Variants in DOK7 observed in about 807,000 individuals in gnomAD.
The protein encoded by DOK7 is docking protein 7, also known as protein Dok-7.
DOK7 carries 32 observed loss-of-function variants against 30.7 expected under a neutral mutation model. The ratio of observed to expected loss-of-function variants is 1.04; its 90% CI spans 0.79 to 1.40. The LOEUF is 1.40. DOK7 is among the 40% of genes most tolerant of loss of function. The pLI, the probability that DOK7 is intolerant of heterozygous loss-of-function variation, is 0.00. For synonymous variants in DOK7, 447 were observed against 324.1 expected, an observed-to-expected ratio of 1.38 and a Z score of -4.07; for missense variants, 1,007 against 699.2, an observed-to-expected ratio of 1.44 and a Z score of -4.97.
In DOK7 at chr4:3,493,614, C is replaced by CG. The variant is rs1187286888; in HGVS notation, c.*118dup. 4.8e-5 allele frequency: 73 copies of CG among 1,507,224 alleles called. 1 individual carries two copies. The highest frequency in any genetic ancestry group is 1.9e-4 in the South Asian group (15 of 78,086). The allele number at this position is 1,507,224 out of a possible 1,614,324, so 93.4% of individuals were successfully genotyped here. A position where few individuals can be genotyped will look rare whatever the true frequency, so the allele number is the denominator to read the frequency against. ...GTGCTCTGTGTTCTGTGGGAGGGAC[C>CG]GGGGGTCTCCCGGAGAGGGGAGCTG... On this transcript the variant is annotated 3_prime_UTR_variant, in exon 7 of 7. Coordinates refer to ENST00000340083, the MANE Select transcript of DOK7 (RefSeq NM_173660.5).
rs755846173 is a variant in DOK7 at position 3,493,081 on chromosome 4, C to G, written c.1095C>G (p.Ala365=). 1 of 1,577,036 alleles carries G rather than the reference C, an allele frequency of 6.3e-7. No individual in the cohort carries two copies. The highest frequency in any genetic ancestry group is 8.6e-7 in the Non-Finnish European group (1 of 1,165,872). The change falls in exon 7 of 7, where the codon GCC becomes GCG. Residue 365 remains alanine (A), a synonymous_variant. Coordinates refer to ENST00000340083, the MANE Select transcript of DOK7 (RefSeq NM_173660.5). ...YAGSSLDVWR[A]TDELGSLLSL... The stretch of plus-strand genomic sequence containing the variant: ...GCAGCAGCCTGGACGTGTGGCGGGC[C>G]ACAGATGAACTGGGCTCACTGCTCA...
At chr4:3,500,512 C>T in intron 7 of DOK7, 2 of 1,482,568 alleles carry the variant, frequency 1.3e-6, no homozygotes, top group Admixed American at 2.2e-5. Context: ...GGAGCTTTTC[C>T]TACAGCCTCC....
rs572014077 is a variant in DOK7, at chr4:3,494,101, C to T, written c.*600C>T. 27 of 986,112 alleles carry T rather than the reference C, an allele frequency of 2.7e-5. No homozygotes were observed. Among genetic ancestry groups the T allele is most frequent in the Non-Finnish European group, 3.3e-5 (27 of 830,432 alleles). The allele number at this position is 986,112 out of a possible 1,614,324, so 61.1% of individuals were successfully genotyped here. Reference sequence around the variant, plus strand: ...TCTCTGGGTTCTGGGCCCCACTGTTCCCCAGTGAAGCCCTTGTGGGAAGGT... The same window carrying T: ...TCTCTGGGTTCTGGGCCCCACTGTTTCCCAGTGAAGCCCTTGTGGGAAGGT... On this transcript the variant is annotated 3_prime_UTR_variant, in exon 7 of 7. Transcript: ENST00000340083.
chr4:3,480,827 C>T (rs2699433), intron 4 of DOK7, among the ~76,000 whole-genome samples: 18,078 of 152,056 alleles, frequency 0.12, 1,188 homozygotes, highest in Middle Eastern at 0.17. Context: ...AGGGATCAGA[C>T]GGTCCGGCCT....
At chr4:3,485,489 C>T (rs769036341) in intron 4 of DOK7, 50 bp from the exon 5 acceptor site, 3 of 1,476,808 alleles carry the variant, frequency 2.0e-6, no homozygotes, top group African/African-American at 1.4e-5. Context: ...CTTCAGGGTC[C>T]CCAGCCCGCC....
intron 5 of DOK7, 69 bp downstream of exon 5, chr4:3,485,727 G>A: frequency 1.4e-6 from 2 of 1,413,816 alleles, no homozygotes. Flanking sequence ...CGGGGCGGGG[G>A]GCCACAGTGA....
At chr4:3,482,473 C>A (rs1368032720) in intron 4 of DOK7, among the ~76,000 whole-genome samples, 2 of 152,256 alleles carry the variant, frequency 1.3e-5, no homozygotes. Context: ...GCAGAAGCTG[C>A]CAGGCCTCTG....
chr4:3,463,669 C>A, intron 2 of DOK7, 118 bp downstream of exon 2: 2 of 1,335,830 alleles, frequency 1.5e-6, no homozygotes, highest in East Asian at 2.6e-5. Flanking sequence ...CCGGGAAACC[C>A]GAGAGCCCCG....
chr4:3,498,545 T>C (rs1018164999), downstream of DOK7, among the ~76,000 whole-genome samples: 1 of 152,188 alleles, frequency 6.6e-6, no homozygotes, highest in Admixed American at 6.5e-5. Flanking sequence ...CCCTGCCCCT[T>C]GGCTTCAAGG....
Position 3,483,624 on chromosome 4 carries a change from C to T in DOK7, c.533-1915C>T, listed in dbSNP as rs542033235. Reference sequence around the variant, plus strand: ...CGCTCCGCAGACGCCGCATGGAATGCGGGGCCGGCTCCACTCCTTCCGTAA... The same window carrying T: ...CGCTCCGCAGACGCCGCATGGAATGTGGGGCCGGCTCCACTCCTTCCGTAA... On this transcript the variant is annotated intron_variant, in intron 4 of 6. Transcript: ENST00000340083. 1.6e-3 allele frequency among the ~76,000 whole-genome samples: 249 copies of T among 152,314 alleles called. 1 individual carries two copies. The highest frequency in any genetic ancestry group is 5.0e-3 in the African/African-American group (209 of 41,572).
At position 3,500,470 on chromosome 4, in the gene DOK7, GC is replaced by G. The variant is rs1729136764; in HGVS notation, c.1261+72del. ...TGGGACCACAGCCTCAGGGCCCTGA[GC>G]CCCCAGCCCCACCCAGCAGCCCTTG... On this transcript the variant is annotated intron_variant, in intron 7 of 7. Coordinates refer to the DOK7 transcript ENST00000643608. 4.0e-6 allele frequency: 6 copies of G among 1,517,288 alleles called. No homozygotes were observed. The Admixed American group carries it at 8.1e-5, about 20-fold the overall frequency. 94.0% of individuals were successfully genotyped at this position (1,517,288 alleles called of 1,614,324 possible). A position where few individuals can be genotyped will look rare whatever the true frequency, so the allele number is the denominator to read the frequency against.
Position 3,471,590 on chromosome 4 carries a change from C to T in DOK7, c.101-1816C>T, listed in dbSNP as rs556722218. On this transcript the variant is annotated intron_variant, in intron 2 of 6. Coordinates refer to ENST00000340083, the MANE Select transcript of DOK7 (RefSeq NM_173660.5). Reference sequence around the variant, plus strand: ...GCGGCCCTGGGGCCCCCGTCCTGCGCGGAGCCACCCGTGTTCATGCTGTTC... The same window carrying T: ...GCGGCCCTGGGGCCCCCGTCCTGCGTGGAGCCACCCGTGTTCATGCTGTTC... Among the ~76,000 whole-genome samples the T allele has an allele frequency of 5.1e-4, 77 of 152,380 alleles. No homozygotes were observed. The South Asian group carries it at 0.015, about 30-fold the overall frequency.
At chr4:3,490,700 CCTCA>C (rs2109400808) in intron 6 of DOK7, among the ~76,000 whole-genome samples, 1 of 103,424 alleles carries the variant, frequency 9.7e-6, no homozygotes, top group African/African-American at 3.9e-5. Flanking sequence ...TTCCTTCCCC[CCTCA>C]TGCATTCCTT....
At chr4:3,479,765 G>C (rs889052007) in intron 4 of DOK7, among the ~76,000 whole-genome samples, 1 of 152,266 alleles carries the variant, frequency 6.6e-6, no homozygotes, top group Non-Finnish European at 1.5e-5. Context: ...GGGGGGCAGA[G>C]GTCTCTCTGT....
chr4:3,498,856 G>T (rs1344630927), downstream of DOK7, among the ~76,000 whole-genome samples: 1 of 152,254 alleles, frequency 6.6e-6, no homozygotes, highest in Admixed American at 6.5e-5. Context: ...AGGCAGGGTT[G>T]GGGCAGAATT....
intron 5 of DOK7, among the ~76,000 whole-genome samples, chr4:3,486,189 ACTTC>A (rs1435921907): frequency 6.6e-6 from 1 of 152,016 alleles, no homozygotes; most frequent in Non-Finnish European, 1.5e-5. Flanking sequence ...TCTCACCCAC[ACTTC>A]CTTGGCTGTG....
At chr4:3,476,022 C>A (rs1331736453) in intron 3 of DOK7, among the ~76,000 whole-genome samples, 1 of 152,078 alleles carries the variant, frequency 6.6e-6, no homozygotes, top group Non-Finnish European at 1.5e-5. Context: ...CCGGCTGACA[C>A]CTGGGCGGCT....
At chr4:3,498,339 C>T (rs1326546464), downstream of DOK7, among the ~76,000 whole-genome samples, 1 of 151,990 alleles carries the variant, frequency 6.6e-6, no homozygotes, top group African/African-American at 2.4e-5. Context: ...GCGCTGCTTA[C>T]AGCCCCCGTG....
At chr4:3,490,641 G>C (rs1319700298) in intron 6 of DOK7, among the ~76,000 whole-genome samples, 3 of 18,016 alleles carry the variant, frequency 1.7e-4, no homozygotes, top group Non-Finnish European at 1.7e-4. Context: ...CCGCCTGCTC[G>C]TTCATTTCCC....
Sources: gnomAD v4.1 joint callset for allele counts (sites outside exome capture counted in the v4.1 genomes callset) on GRCh38, gnomAD v4.1.1 for gene constraint, MANE v1.5 for transcripts, NCBI Gene and HGNC (gene_info 2026-07-23, HGNC 2026-07-21) for gene names.